CGN: variants seen among roughly 807,000 people sequenced by gnomAD.
The protein encoded by CGN is cingulin.
In CGN, 121 loss-of-function variants were observed where a neutral mutation model predicts 157.1. The observed-to-expected ratio is 0.77, with a 90% CI of 0.66 to 0.90. CGN has a LOEUF of 0.90. CGN is among the 40% of genes least tolerant of loss of function. The pLI is 0.00. For missense variants in CGN, 1,424 were observed against 1,520.9 expected, an observed-to-expected ratio of 0.94 and a Z score of 1.06; for synonymous variants, 535 against 607.5, an observed-to-expected ratio of 0.88 and a Z score of 1.76.
chr1:151,529,392 G>T lies in CGN; in HGVS notation c.1939G>T (p.Glu647Ter), dbSNP rs1286298644. 1.2e-6 allele frequency: 2 copies of T among 1,613,868 alleles called. No homozygotes were observed. The part of the protein sequence containing the change: ...TQEELKELQA[E>*]RQSQEVAGRH... ...GGAGGAGCTTAAGGAACTGCAGGCAGAACGGCAGAGCCAGGAGGTGGCTGG... is the reference window on the plus strand; with the variant it reads ...GGAGGAGCTTAAGGAACTGCAGGCATAACGGCAGAGCCAGGAGGTGGCTGG... The change falls in exon 11 of 21, where the codon GAA becomes TAA. Residue 647 changes from glutamate to a stop codon, truncating the protein, a stop_gained. Transcript: ENST00000271636. LOFTEE classifies it high-confidence loss of function.
rs1304624769 is a variant in CGN, at chr1:151,511,721, A to G, written c.-15+206A>G. ...CCTGAGGTGCCAGATGCAGGTGGCT[A>G]GGAAGGTGCCAGGCGAGGGGCACCT... On this transcript the variant is annotated intron_variant, in intron 1 of 20. Coordinates refer to ENST00000271636, the MANE Select transcript of CGN (RefSeq NM_020770.3). The surrounding 1 kb of genome is among the most constrained non-coding windows in gnomAD (Gnocchi z 4.8). Among the ~76,000 whole-genome samples, 3 of 152,104 alleles carry G rather than the reference A, an allele frequency of 2.0e-5. No homozygotes were observed. Among genetic ancestry groups the G allele is most frequent in the Non-Finnish European group, 4.4e-5 (3 of 67,992 alleles).
In CGN at chr1:151,524,590, A is replaced by T; in HGVS notation, c.1402-84A>T. ...AGCACCTGGTACTGTGCCTAATACG[A>T]TAAATATTTTTTGACTCAGTGAATT... On this transcript the variant is annotated intron_variant, in intron 7 of 20. Coordinates refer to ENST00000271636, the MANE Select transcript of CGN (RefSeq NM_020770.3). This position sits in a 1 kb window ranked among gnomAD's most constrained non-coding sequence, Gnocchi z 4.4. The T allele has an allele frequency of 2.3e-6, 3 of 1,305,286 alleles. No individual in the cohort carries two copies. The allele number at this position is 1,305,286 out of a possible 1,614,324, so 80.9% of individuals were successfully genotyped here.
chr1:151,522,677 G>A (rs900556627), intron 5 of CGN, among the ~76,000 whole-genome samples: 3 of 151,604 alleles, frequency 2.0e-5, no homozygotes, highest in African/African-American at 7.3e-5. Context: ...GCTGTGGGAG[G>A]CTGAGGTGGA....
In CGN at chr1:151,524,903, G is replaced by C. The variant is rs1202214555; in HGVS notation, c.1614+17G>C. 1 of 1,602,010 alleles carries C rather than the reference G, an allele frequency of 6.2e-7. No homozygotes were observed. Among genetic ancestry groups the C allele is most frequent in the Admixed American group, 1.7e-5 (1 of 59,022 alleles). On this transcript the variant is annotated intron_variant, in intron 8 of 20. Coordinates refer to ENST00000271636, the MANE Select transcript of CGN (RefSeq NM_020770.3). This position sits in a 1 kb window ranked among gnomAD's most constrained non-coding sequence, Gnocchi z 4.4. ...GCAACCCAGGCATGTGACAAGAGCA[G>C]GGTCTGAGAGAGGAGGGCACTGCTG...
chr1:151,528,429 T>C (rs1664750251), intron 10 of CGN, among the ~76,000 whole-genome samples: 1 of 135,810 alleles, frequency 7.4e-6, no homozygotes, highest in South Asian at 2.3e-4. Flanking sequence ...GTTTTTTTTT[T>C]CTTTTTGAGA....
rs1280641746 is a variant in CGN at position 151,535,121 on chromosome 1, G to C, written c.2984G>C (p.Gly995Ala). The stretch of plus-strand genomic sequence containing the variant: ...CTGCTAACAGATCGGGTGAATCGTG[G>C]CCGGGACCAGGTAACCGCCCCCACC... The part of the protein sequence containing the change: ...VELLTDRVNR[G>A]RDQVDQLRTE... Residue 995 changes from glycine (G) to alanine (A), a missense_variant, in exon 16 of 21, where the codon GGC becomes GCC. Around this residue, in one of 3 missense-constraint regions of CGN, gnomAD observed 199 missense variants for 272.2 expected, o/e 0.73. Coordinates refer to ENST00000271636, the MANE Select transcript of CGN (RefSeq NM_020770.3). The C allele has an allele frequency of 2.4e-5, 38 of 1,613,550 alleles. No homozygotes were observed. Among genetic ancestry groups the C allele is most frequent in the Non-Finnish European group, 3.0e-5 (35 of 1,179,702 alleles).
chr1:151,513,269 T>C (rs900840632), intron 1 of CGN, among the ~76,000 whole-genome samples: 1 of 152,166 alleles, frequency 6.6e-6, no homozygotes, highest in Admixed American at 6.5e-5. Context: ...TCCCCTTGCC[T>C]CTCAAACCAG....
chr1:151,536,757 C>A lies in CGN; in HGVS notation c.3334C>A (p.Arg1112Ser). 6.2e-7 allele frequency: 1 copy of A among 1,614,048 alleles called. No homozygotes were observed. The highest frequency in any genetic ancestry group is 1.3e-5 in the African/African-American group (1 of 74,976). The change falls in exon 20 of 21, where the codon CGT (arginine) becomes AGT (serine). Residue 1112 changes from arginine to serine, a missense_variant. Coordinates refer to ENST00000271636, the MANE Select transcript of CGN (RefSeq NM_020770.3). The stretch of plus-strand genomic sequence containing the variant: ...AAGCCTGAGGGTGAAGGCTTTGAAG[C>A]GTCAGGTGGATGAAGCAGAAGAGGA... ...QLSLRVKALK[R>S]QVDEAEEEIE... is the part of the protein sequence containing the mutation.
chr1:151,535,946 C>T, intron 18 of CGN, 48 bp downstream of exon 18: 4 of 1,459,446 alleles, frequency 2.7e-6, no homozygotes, highest in East Asian at 2.3e-5. Flanking sequence ...TTTCTTCCTC[C>T]CTCCCTCTTG....
In CGN at chr1:151,532,530, G is replaced by A. The variant is rs1172011291; in HGVS notation, c.2700G>A (p.Glu900=). 6.3e-7 allele frequency: 1 copy of A among 1,595,772 alleles called. No homozygotes were observed. The highest frequency in any genetic ancestry group is 8.5e-7 in the Non-Finnish European group (1 of 1,172,702). ...GCCAGGCCAAGGATTGGGCCAGTGA[G>A]GCTGAGAAGACCTCTGGAGGACTGA... is the stretch of plus-strand genomic sequence containing the variant. The part of the protein sequence containing the change: ...AQRQAKDWAS[E]AEKTSGGLSR... Residue 900 remains glutamate (E), a synonymous_variant, in exon 14 of 21, where the codon GAG becomes GAA. Transcript: ENST00000271636.
At chr1:151,527,848 G>T in intron 10 of CGN, 1 of 240,488 alleles carries the variant, frequency 4.2e-6, no homozygotes, top group South Asian at 4.5e-5. Context: ...CGAAAGACAA[G>T]TGGCAGCTGC....
Position 151,511,754 on chromosome 1 carries a change from A to C in CGN, c.-15+239A>C, listed in dbSNP as rs1664300907. 6.6e-6 allele frequency among the ~76,000 whole-genome samples: 1 copy of C among 152,198 alleles called. No individual in the cohort carries two copies. The highest frequency in any genetic ancestry group is 1.5e-5 in the Non-Finnish European group (1 of 68,022). On this transcript the variant is annotated intron_variant, in intron 1 of 20. Coordinates refer to ENST00000271636, the MANE Select transcript of CGN (RefSeq NM_020770.3). This position sits in a 1 kb window ranked among gnomAD's most constrained non-coding sequence, Gnocchi z 4.8. ...GCCAGGCGAGGGGCACCTGGGGCGA[A>C]GGCTGTTCCCAGCGCATGAAAGCGT...
Position 151,530,060 on chromosome 1 carries a change from T to C in CGN, c.2258T>C (p.Val753Ala), listed in dbSNP as rs1453845913. Residue 753 changes from valine to alanine, a missense_variant, in exon 12 of 21, where the codon GTG becomes GCG. Physicochemically the swap from Val to Ala is moderately conservative, Grantham distance 64. Coordinates refer to ENST00000271636, the MANE Select transcript of CGN (RefSeq NM_020770.3). ...CAGCTGAAGGAGACTCGAGGTCTGG[T>C]GGATGGTGGGGAAGCGGTGGAGGCA... ...EQQLKETRGL[V>A]DGGEAVEARL... 6.2e-7 allele frequency: 1 copy of C among 1,613,984 alleles called. No individual in the cohort carries two copies. Among genetic ancestry groups the C allele is most frequent in the East Asian group, 2.2e-5 (1 of 44,868 alleles).
intron 18 of CGN, 58 bp downstream of exon 18, chr1:151,535,956 G>C: frequency 7.2e-7 from 1 of 1,379,890 alleles, no homozygotes; most frequent in Non-Finnish European, 1.0e-6. Context: ...CCTCCCTCTT[G>C]GCTTTTCTCC....
chr1:151,524,760 G>A lies in CGN; in HGVS notation c.1488G>A (p.Glu496=). The change falls in exon 8 of 21, where the codon GAG becomes GAA. Residue 496 remains glutamate, a synonymous_variant. Coordinates refer to ENST00000271636, the MANE Select transcript of CGN (RefSeq NM_020770.3). The surrounding 1 kb of genome is among the most constrained non-coding windows in gnomAD (Gnocchi z 4.4). ...VEEQLRLRER[E]LTALKGALKE... ...AGCAGCTGAGGCTGCGGGAGCGGGA[G>A]TTGACAGCCCTGAAGGGGGCCCTGA... 1 of 1,612,438 alleles carries A rather than the reference G, an allele frequency of 6.2e-7. No individual in the cohort carries two copies. Among genetic ancestry groups the A allele is most frequent in the Non-Finnish European group, 8.5e-7 (1 of 1,179,750 alleles).
In CGN at chr1:151,537,899, T is replaced by C. The variant is rs1397973244; in HGVS notation, c.*553T>C. On this transcript the variant is annotated 3_prime_UTR_variant, in exon 21 of 21. Coordinates refer to ENST00000271636, the MANE Select transcript of CGN (RefSeq NM_020770.3). Reference sequence around the variant, plus strand: ...CCCTCCAGTTCCTATATTTTTGTCTTCTTCCTTTCCCCTCTTTGCCATTCC... The same window carrying C: ...CCCTCCAGTTCCTATATTTTTGTCTCCTTCCTTTCCCCTCTTTGCCATTCC... 1.3e-5 allele frequency: 2 copies of C among 152,802 alleles called. No individual in the cohort carries two copies. The highest frequency in any genetic ancestry group is 1.3e-4 in the Admixed American group (2 of 15,292). The allele number at this position is 152,802 out of a possible 1,614,324, so 9.5% of individuals were successfully genotyped here.
rs1664614861 is a variant in CGN at position 151,524,218 on chromosome 1, A to G, written c.1269-8A>G. The G allele has an allele frequency of 6.2e-7, 1 of 1,610,980 alleles. No homozygotes were observed. Among genetic ancestry groups the G allele is most frequent in the Non-Finnish European group, 8.5e-7 (1 of 1,178,266 alleles). On this transcript the variant is annotated splice_region_variant and splice_polypyrimidine_tract_variant and intron_variant, in intron 6 of 20. Coordinates refer to ENST00000271636, the MANE Select transcript of CGN (RefSeq NM_020770.3). The surrounding 1 kb of genome is among the most constrained non-coding windows in gnomAD (Gnocchi z 4.4). Reference sequence around the variant, plus strand: ...CACATAGTGTGCAATAATGTTATCTATTATTAGGCTCCAGAACATGAAGCG... The same window carrying G: ...CACATAGTGTGCAATAATGTTATCTGTTATTAGGCTCCAGAACATGAAGCG...
intron 1 of CGN, among the ~76,000 whole-genome samples, chr1:151,515,071 C>T (rs373452926): frequency 1.3e-5 from 2 of 150,180 alleles, no homozygotes; most frequent in East Asian, 1.9e-4. Flanking sequence ...TGGCGGATCT[C>T]GGCTCACTGC....
At position 151,524,738 on chromosome 1, in the gene CGN, A is replaced by G; in HGVS notation, c.1466A>G (p.Gln489Arg). Residue 489 changes from glutamine to arginine, a missense_variant, in exon 8 of 21, where the codon CAG becomes CGG. By Grantham distance (43) the Gln-to-Arg change is conservative. Transcript: ENST00000271636. This position sits in a 1 kb window ranked among gnomAD's most constrained non-coding sequence, Gnocchi z 4.4. ...VLEGKQRVEE[Q>R]LRLRERELTA... is the part of the protein sequence containing the mutation. ...GAGGGGAAACAGCGAGTAGAGGAGC[A>G]GCTGAGGCTGCGGGAGCGGGAGTTG... is the stretch of plus-strand genomic sequence containing the variant. The G allele has an allele frequency of 1.2e-6, 2 of 1,611,242 alleles. No homozygotes were observed. The highest frequency in any genetic ancestry group is 1.7e-6 in the Non-Finnish European group (2 of 1,179,566).
Sources: allele counts gnomAD v4.1 joint callset (sites outside exome capture counted in the v4.1 genomes callset), GRCh38; gene constraint gnomAD v4.1.1; regional missense constraint gnomAD v4.1.1; non-coding constraint Gnocchi (gnomAD v3.1); transcripts MANE v1.5; gene names NCBI Gene and HGNC (gene_info 2026-07-23, HGNC 2026-07-21).